Variants in ARHGEF10 observed in about 807,000 individuals in gnomAD.
The protein encoded by ARHGEF10 is Rho guanine nucleotide exchange factor (GEF) 10.
A neutral mutation model predicts 147.4 loss-of-function variants in ARHGEF10; 140 were observed. The observed-to-expected ratio is 0.95, with a 90% confidence interval of 0.83 to 1.09. ARHGEF10 has a LOEUF of 1.09. Among genes scored for constraint, ARHGEF10 ranks in the 50% least tolerant of loss-of-function variants. The pLI is 0.00. For synonymous variants in ARHGEF10, 902 were observed against 695.8 expected (o/e 1.30, Z -4.67); for missense variants, 2,222 against 1,752.7 (o/e 1.27, Z -4.78).
chr8:1,884,069 C>T (rs60187111), intron 10 of ARHGEF10, among the ~76,000 whole-genome samples: 5 of 151,890 alleles, frequency 3.3e-5, no homozygotes, highest in African/African-American at 2.4e-5. Flanking sequence ...TACTCTTTTG[C>T]GGGTCAGTTG....
intron 1 of ARHGEF10, among the ~76,000 whole-genome samples, chr8:1,831,003 G>C (rs1345880993): frequency 6.6e-6 from 1 of 152,264 alleles, no homozygotes; most frequent in South Asian, 2.1e-4. Context: ...GGTCGGCCAG[G>C]GCTGGAGGGC....
chr8:1,934,037 G>C (rs1260076383), intron 26 of ARHGEF10, 95 bp downstream of exon 26: 1 of 1,560,396 alleles, frequency 6.4e-7, no homozygotes, highest in African/African-American at 1.4e-5. Context: ...TCTTGCCTGT[G>C]GCTAAATTTC....
rs1430145327 is a variant in ARHGEF10 at position 1,925,339 on chromosome 8, AAGG to A, written c.2548_2550del (p.Glu850del). The A allele has an allele frequency of 5.0e-6, 8 of 1,614,184 alleles. No individual in the cohort carries two copies. Among genetic ancestry groups the A allele is most frequent in the Non-Finnish European group, 6.8e-6 (8 of 1,180,026 alleles). ...GGAAGACGATGGGAATCACATTAAA[AAGG>A]AGAAGCATCCTCTCCTCGTCGGACA... On this transcript the variant is annotated inframe_deletion, in exon 22 of 29. Coordinates refer to ENST00000349830, the MANE Select transcript of ARHGEF10 (RefSeq NM_014629.4).
chr8:1,837,498 GA>G (rs141667783), intron 1 of ARHGEF10, among the ~76,000 whole-genome samples: 2,558 of 152,334 alleles, frequency 0.017, 35 homozygotes, highest in Admixed American at 0.029. Context: ...CAAATAGCAT[GA>G]ATGAGATTTA....
intron 27 of ARHGEF10, 85 bp from the exon 28 acceptor site, chr8:1,952,620 C>T: frequency 6.4e-7 from 1 of 1,566,352 alleles, no homozygotes; most frequent in Non-Finnish European, 8.7e-7. Context: ...CACGACAGGC[C>T]TGTGGGGTTT....
At chr8:1,898,839 C>T (rs556426773) in intron 15 of ARHGEF10, among the ~76,000 whole-genome samples, 5 of 152,102 alleles carry the variant, frequency 3.3e-5, no homozygotes, top group Admixed American at 1.3e-4. Flanking sequence ...TGGGGGGCCG[C>T]GGGGCTTGGT....
chr8:1,862,472 G>A (rs1035857310), intron 4 of ARHGEF10, among the ~76,000 whole-genome samples: 3 of 152,374 alleles, frequency 2.0e-5, no homozygotes, highest in East Asian at 3.9e-4. Flanking sequence ...GCTGCTGCTC[G>A]GAGCTGTTTA....
chr8:1,924,324 A>C (rs539529763), intron 21 of ARHGEF10, among the ~76,000 whole-genome samples: 4 of 152,208 alleles, frequency 2.6e-5, no homozygotes, highest in South Asian at 2.1e-4. Flanking sequence ...CCAAAGATCA[A>C]CCCTGTGGTT....
rs77084285 is a variant in ARHGEF10, at chr8:1,913,841, C to T, written c.2143+4371C>T. 2.0e-3 allele frequency among the ~76,000 whole-genome samples: 311 copies of T among 152,318 alleles called. 1 individual carries two copies. The highest frequency in any genetic ancestry group is 7.0e-3 in the African/African-American group (291 of 41,566). On this transcript the variant is annotated intron_variant, in intron 18 of 28. Coordinates refer to ENST00000349830, the MANE Select transcript of ARHGEF10 (RefSeq NM_014629.4). ...GCGGTTGGTACAGGAGGATTTGTAACAAGACACAGTCATTATGAACAGGTA... is the reference window on the plus strand; with the variant it reads ...GCGGTTGGTACAGGAGGATTTGTAATAAGACACAGTCATTATGAACAGGTA...
chr8:1,888,121 G>GGGCGAGGGTTGCGAGGAGACAGTGAGTGT (rs1563233386), intron 11 of ARHGEF10, among the ~76,000 whole-genome samples: 2 of 88,016 alleles, frequency 2.3e-5, no homozygotes, highest in African/African-American at 1.0e-4. Context: ...ACACTTAGTG[G>GGGCGAGGGTTGCGAGGAGACAGTGAGTGT]GGTGAGGGTT....
At chr8:1,837,965 GT>G (rs1380454262) in intron 1 of ARHGEF10, among the ~76,000 whole-genome samples, 1 of 152,198 alleles carries the variant, frequency 6.6e-6, no homozygotes, top group Non-Finnish European at 1.5e-5. Context: ...GGTGCTCACA[GT>G]TTCCTCCTCT....
In ARHGEF10 at chr8:1,949,359, T is replaced by C. The variant is rs1217077598; in HGVS notation, c.3398-3346T>C. Among the ~76,000 whole-genome samples the C allele has an allele frequency of 3.3e-5, 5 of 152,296 alleles. No individual in the cohort carries two copies. In the East Asian group the frequency reaches 9.6e-4, roughly 29 times the overall value. ...AAGCTACATCAGATTCAACACAGACTAACAGTTGATGAAGGTCTGTGATTA... is the reference window on the plus strand; with the variant it reads ...AAGCTACATCAGATTCAACACAGACCAACAGTTGATGAAGGTCTGTGATTA... On this transcript the variant is annotated intron_variant, in intron 27 of 28. Transcript: ENST00000349830.
chr8:1,874,380 T>C (rs747517474), intron 7 of ARHGEF10, among the ~76,000 whole-genome samples: 3 of 152,216 alleles, frequency 2.0e-5, no homozygotes, highest in Non-Finnish European at 2.9e-5. Flanking sequence ...ATTGATTGAT[T>C]AGACTCTTGC....
intron 11 of ARHGEF10, among the ~76,000 whole-genome samples, chr8:1,893,092 CAAAAAA>C (rs34033686): frequency 9.1e-5 from 7 of 76,848 alleles, no homozygotes; most frequent in African/African-American, 2.6e-4. Flanking sequence ...AAGATCTTTG[CAAAAAA>C]AAAAAAAAAA....
In ARHGEF10 at chr8:1,941,802, T is replaced by C. The variant is rs549411174; in HGVS notation, c.3223-3679T>C. 3.5e-3 allele frequency among the ~76,000 whole-genome samples: 527 copies of C among 152,310 alleles called. 5 individuals carry two copies. Among genetic ancestry groups the C allele is most frequent in the African/African-American group, 0.012 (489 of 41,568 alleles). On this transcript the variant is annotated intron_variant, in intron 26 of 28. Transcript: ENST00000349830. ...ATAGACCGGAGACCACGTGTGTCTATGTTCACATAATTTTCAACACGGTGC... is the reference window on the plus strand; with the variant it reads ...ATAGACCGGAGACCACGTGTGTCTACGTTCACATAATTTTCAACACGGTGC...
intron 27 of ARHGEF10, 192 bp downstream of exon 27, chr8:1,945,847 C>T (rs1305913695): frequency 1.3e-5 from 12 of 903,238 alleles, no homozygotes; most frequent in African/African-American, 3.3e-5. Context: ...CACTTTAGCG[C>T]TTCCCGGTGC....
chr8:1,913,096 G>A (rs1032082286), intron 18 of ARHGEF10, among the ~76,000 whole-genome samples: 2 of 152,126 alleles, frequency 1.3e-5, no homozygotes, highest in East Asian at 1.9e-4. Context: ...ACTGTCAAGC[G>A]CTCCTAGTTC....
chr8:1,898,599 T>C (rs542930325), intron 15 of ARHGEF10, 74 bp downstream of exon 15: 663 of 1,454,400 alleles, frequency 4.6e-4, no homozygotes, highest in Non-Finnish European at 5.9e-4. Context: ...TGGCGTCTGT[T>C]CCTCCACTTT....
In ARHGEF10 at chr8:1,906,194, G is replaced by C. The variant is rs547965720; in HGVS notation, c.1967+478G>C. Among the ~76,000 whole-genome samples the C allele has an allele frequency of 1.0e-3, 153 of 152,318 alleles. No individual in the cohort carries two copies. The Middle Eastern group carries it at 0.017, about 17-fold the overall frequency. On this transcript the variant is annotated intron_variant, in intron 17 of 28. Transcript: ENST00000349830. Reference sequence around the variant, plus strand: ...GTTCTCCAATGCATGGAATATTGTAGTGAGATGAGGATATGTGAGAAACTA... The same window carrying C: ...GTTCTCCAATGCATGGAATATTGTACTGAGATGAGGATATGTGAGAAACTA...
Sources: allele counts gnomAD v4.1 joint callset (sites outside exome capture counted in the v4.1 genomes callset), GRCh38; gene constraint gnomAD v4.1.1; transcripts MANE v1.5; gene names NCBI Gene and HGNC (gene_info 2026-07-23, HGNC 2026-07-21).